The following RPGRIP1 variants were observed in gnomAD, a reference collection of about 807,000 sequenced individuals.
RPGRIP1 encodes X-linked retinitis pigmentosa GTPase regulator-interacting protein 1.
Under a neutral mutation model 157.9 loss-of-function variants are expected in RPGRIP1, and 128 were observed. The observed-to-expected ratio is 0.81, with a 90% confidence interval of 0.70 to 0.94. RPGRIP1 has a LOEUF of 0.94. Among genes scored for constraint, RPGRIP1 ranks in the 40% least tolerant of loss-of-function variants. The pLI is 0.00. For missense variants in RPGRIP1, 1,486 were observed against 1,545.8 expected (o/e 0.96, Z 0.65); for synonymous variants, 554 against 571.6 (o/e 0.97, Z 0.44).
At chr14:21,284,166 C>G (rs1822111039) in intron 1 of RPGRIP1, among the ~76,000 whole-genome samples, 1 of 152,282 alleles carries the variant, frequency 6.6e-6, no homozygotes, top group East Asian at 1.9e-4. Context: ...ACAATGTTTA[C>G]ATTTTCTCTA....
At chr14:21,305,629 G>A (rs968731469) in intron 6 of RPGRIP1, among the ~76,000 whole-genome samples, 1 of 152,210 alleles carries the variant, frequency 6.6e-6, no homozygotes, top group African/African-American at 2.4e-5. Context: ...GGGAGGCCAA[G>A]GTGGGTGGAT....
chr14:21,298,120 C>T (rs1880873091), intron 3 of RPGRIP1, among the ~76,000 whole-genome samples: 1 of 151,954 alleles, frequency 6.6e-6, no homozygotes, highest in South Asian at 2.1e-4. Context: ...TGTAAGCAGA[C>T]AAAATTAGGC....
rs757394399 is a variant in RPGRIP1, at chr14:21,300,980, T to C, written c.233T>C (p.Leu78Ser). ...QDEIKRLRTT[L>S]LRLTAAGRDL... is the part of the protein sequence containing the mutation. ...TTTGTCCACAGGCTGAGGACCACCTTGCTGCGGTTGACCGCTGCTGGCCGG... is the reference window on the plus strand; with the variant it reads ...TTTGTCCACAGGCTGAGGACCACCTCGCTGCGGTTGACCGCTGCTGGCCGG... Residue 78 changes from leucine (L) to serine (S), a missense_variant, in exon 4 of 25, where the codon TTG becomes TCG. By Grantham distance (145) the Leu-to-Ser change is moderately radical. Transcript: ENST00000400017. The C allele has an allele frequency of 1.2e-6, 2 of 1,612,944 alleles. No individual in the cohort carries two copies. Among genetic ancestry groups the C allele is most frequent in the Middle Eastern group, 1.7e-4 (1 of 6,060 alleles).
chr14:21,342,670 A>ATTG (rs1167737687), intron 21 of RPGRIP1, among the ~76,000 whole-genome samples: 6 of 152,032 alleles, frequency 3.9e-5, no homozygotes, highest in Admixed American at 6.6e-5. Context: ...AGCGACGCAC[A>ATTG]TTGTTCCCAC....
intron 6 of RPGRIP1, among the ~76,000 whole-genome samples, chr14:21,305,941 G>A (rs1366680540): frequency 6.6e-6 from 1 of 151,788 alleles, no homozygotes; most frequent in South Asian, 2.1e-4. Context: ...CAATTATTTG[G>A]GGGGTAGAAT....
intron 11 of RPGRIP1, chr14:21,318,194 C>A (rs753863447): frequency 2.1e-6 from 1 of 476,798 alleles, no homozygotes; most frequent in South Asian, 1.6e-5. Context: ...GCAACCTTCA[C>A]CTCCCAGGTA....
In RPGRIP1 at chr14:21,325,992, C is replaced by A. The variant is rs74034911; in HGVS notation, c.2529C>A (p.Asn843Lys). The change falls in exon 17 of 25, where the codon AAC becomes AAA. Residue 843 changes from asparagine to lysine, a missense_variant. Asn to Lys is a moderately conservative substitution (Grantham distance 94). Transcript: ENST00000400017. Reference sequence around the variant, plus strand: ...ACACTGCCATCATTCCAGCCAGTAACAACCCCTACTTTAGAGACCAGGCTC... The same window carrying A: ...ACACTGCCATCATTCCAGCCAGTAAAAACCCCTACTTTAGAGACCAGGCTC... ...DHDTAIIPAS[N>K]NPYFRDQARF... The A allele has an allele frequency of 2.5e-6, 4 of 1,614,018 alleles. No homozygotes were observed. The highest frequency in any genetic ancestry group is 2.5e-6 in the Non-Finnish European group (3 of 1,179,886).
chr14:21,345,061 C>T, intron 22 of RPGRIP1, 52 bp from the exon 23 acceptor site: 1 of 1,178,190 alleles, frequency 8.5e-7, no homozygotes, highest in Non-Finnish European at 1.3e-6. Context: ...TCTTGGGGCT[C>T]ACACTGCAAC....
At chr14:21,302,666 G>A (rs572011088) in intron 5 of RPGRIP1, 82 bp downstream of exon 5, 37 of 868,742 alleles carry the variant, frequency 4.3e-5, no homozygotes, top group Non-Finnish European at 6.5e-5. Flanking sequence ...AATGAATGTT[G>A]GTGATTTGAG....
chr14:21,334,317 CCTTT>C (rs1375592458), intron 20 of RPGRIP1, among the ~76,000 whole-genome samples: 1 of 152,120 alleles, frequency 6.6e-6, no homozygotes, highest in Non-Finnish European at 1.5e-5. Context: ...AAAAGGACTT[CCTTT>C]CTTCCTTCCT....
intron 21 of RPGRIP1, among the ~76,000 whole-genome samples, chr14:21,340,621 C>G (rs1050317238): frequency 6.6e-6 from 1 of 152,112 alleles, no homozygotes; most frequent in Non-Finnish European, 1.5e-5. Flanking sequence ...CACCGTTGCA[C>G]TCCAGCCTGG....
intron 3 of RPGRIP1, among the ~76,000 whole-genome samples, chr14:21,299,277 C>T (rs1880925410): frequency 6.6e-6 from 1 of 151,978 alleles, no homozygotes; most frequent in South Asian, 2.1e-4. Context: ...GCTAGGATTA[C>T]AGGCGTGAGC....
chr14:21,315,520 A>C (rs1881742154), intron 10 of RPGRIP1, among the ~76,000 whole-genome samples: 2 of 128,380 alleles, frequency 1.6e-5, no homozygotes, highest in South Asian at 5.6e-4. Context: ...AAAAAAAAAA[A>C]CAAAAAACTT....
Position 21,307,935 on chromosome 14 carries a change from C to T in RPGRIP1, c.906+99C>T, listed in dbSNP as rs1594180317. 2.4e-5 allele frequency: 16 copies of T among 678,194 alleles called. No individual in the cohort carries two copies. The Middle Eastern group carries it at 3.2e-3, about 135-fold the overall frequency. 42.0% of individuals were successfully genotyped at this position (678,194 alleles called of 1,614,324 possible). ...ATTTTAAATATGAGAAGCCACAATT[C>T]AGAAAGACAATTTATAAGTGATATC... On this transcript the variant is annotated intron_variant, in intron 7 of 24. Coordinates refer to ENST00000400017, the MANE Select transcript of RPGRIP1 (RefSeq NM_020366.4).
chr14:21,325,860 C>G lies in RPGRIP1; in HGVS notation c.2397C>G (p.Asn799Lys). The G allele has an allele frequency of 6.2e-7, 1 of 1,613,398 alleles. No individual in the cohort carries two copies. Reference sequence around the variant, plus strand: ...GATCGGAGTCTTGGGAACCTCAGAACGAGCTGTGGATTGAAATCACCAAGT... The same window carrying G: ...GATCGGAGTCTTGGGAACCTCAGAAGGAGCTGTGGATTGAAATCACCAAGT... ...EFRSESWEPQ[N>K]ELWIEITKCC... The change falls in exon 17 of 25, where the codon AAC becomes AAG. Residue 799 changes from asparagine to lysine, a missense_variant. Physicochemically the swap from Asn to Lys is moderately conservative, Grantham distance 94. Coordinates refer to ENST00000400017, the MANE Select transcript of RPGRIP1 (RefSeq NM_020366.4).
intron 8 of RPGRIP1, 124 bp downstream of exon 8, chr14:21,310,731 CAT>C: frequency 1.5e-6 from 1 of 656,688 alleles, no homozygotes. Context: ...GTTATTATGT[CAT>C]ATAGTTTCTG....
Position 21,325,869 on chromosome 14 carries a change from G to C in RPGRIP1, c.2406G>C (p.Trp802Cys), listed in dbSNP as rs1883031542. The C allele has an allele frequency of 6.2e-7, 1 of 1,613,710 alleles. No individual in the cohort carries two copies. ...SESWEPQNEL[W>C]IEITKCCGLR... ...CTTGGGAACCTCAGAACGAGCTGTG[G>C]ATTGAAATCACCAAGTGCTGTGGCC... Residue 802 changes from tryptophan (W) to cysteine (C), a missense_variant, in exon 17 of 25, where the codon TGG becomes TGC. Physicochemically the swap from Trp to Cys is radical, Grantham distance 215. Coordinates refer to ENST00000400017, the MANE Select transcript of RPGRIP1 (RefSeq NM_020366.4).
At chr14:21,291,975 G>T (rs939109472) in intron 2 of RPGRIP1, among the ~76,000 whole-genome samples, 1 of 151,918 alleles carries the variant, frequency 6.6e-6, no homozygotes, top group Admixed American at 6.6e-5. Flanking sequence ...GGTCACGCTG[G>T]TCTCAAACTC....
At chr14:21,342,670 A>G (rs1555305965) in intron 21 of RPGRIP1, among the ~76,000 whole-genome samples, 1 of 152,030 alleles carries the variant, frequency 6.6e-6, no homozygotes, top group Non-Finnish European at 1.5e-5. Flanking sequence ...AGCGACGCAC[A>G]TTGTTCCCAC....
Sources: gnomAD v4.1 joint callset for allele counts (sites outside exome capture counted in the v4.1 genomes callset) on GRCh38, gnomAD v4.1.1 for gene constraint, MANE v1.5 for transcripts, NCBI Gene and HGNC (gene_info 2026-07-23, HGNC 2026-07-21) for gene names.